Variants in ROBO2 observed in about 807,000 individuals in gnomAD.
ROBO2 encodes roundabout homolog 2.
ROBO2 carries 53 observed loss-of-function variants against 160.8 expected under a neutral mutation model. The ratio of observed to expected loss-of-function variants is 0.33; its 90% CI spans 0.26 to 0.41. The LOEUF (loss-of-function observed/expected upper bound fraction) is 0.41. Among genes scored for constraint, ROBO2 ranks in the 10% least tolerant of loss-of-function variants. ROBO2 has a pLI of 1.00. For missense variants in ROBO2, 1,577 were observed against 1,722.4 expected, an observed-to-expected ratio of 0.92 and a Z score of 1.49; for synonymous variants, 664 against 611.7, an observed-to-expected ratio of 1.09 and a Z score of -1.26.
intron 2 of ROBO2, among the ~76,000 whole-genome samples, chr3:76,496,369 G>T (rs1336663381): frequency 6.6e-6 from 1 of 152,184 alleles, no homozygotes. Flanking sequence ...CCTCTAGGGG[G>T]TACCTTCACA....
At chr3:77,340,368 A>G (rs1459380619) in intron 2 of ROBO2, among the ~76,000 whole-genome samples, 1 of 152,084 alleles carries the variant, frequency 6.6e-6, no homozygotes, top group Non-Finnish European at 1.5e-5. Context: ...GTCTCCTAAC[A>G]TGGATTTGAA....
chr3:77,201,201 T>A (rs76918659), intron 2 of ROBO2, among the ~76,000 whole-genome samples: 4,082 of 152,322 alleles, frequency 0.027, 242 homozygotes, highest in East Asian at 0.26. Flanking sequence ...GTCACACTGC[T>A]CATAAAATAG....
intron 2 of ROBO2, among the ~76,000 whole-genome samples, chr3:76,876,969 T>G (rs2072802822): frequency 6.6e-6 from 1 of 152,014 alleles, no homozygotes; most frequent in African/African-American, 2.4e-5. Flanking sequence ...CTATCATTTT[T>G]AAGACACTAA....
At chr3:76,822,132 TA>T (rs1249124577) in intron 2 of ROBO2, among the ~76,000 whole-genome samples, 2 of 152,050 alleles carry the variant, frequency 1.3e-5, no homozygotes, top group African/African-American at 4.8e-5. Context: ...ACCAATAAAT[TA>T]GAATTAAAAA....
intron 4 of ROBO2, among the ~76,000 whole-genome samples, chr3:77,482,360 C>T (rs534194720): frequency 6.6e-6 from 1 of 152,114 alleles, no homozygotes; most frequent in Non-Finnish European, 1.5e-5. Flanking sequence ...TTGGGAGACG[C>T]CATCCCAAGG....
intron 2 of ROBO2, among the ~76,000 whole-genome samples, chr3:76,305,469 A>G (rs1383520806): frequency 1.3e-5 from 2 of 150,668 alleles, no homozygotes; most frequent in Non-Finnish European, 2.9e-5. Context: ...TGATGGCTAC[A>G]AGAATCATCG....
intron 6 of ROBO2, among the ~76,000 whole-genome samples, chr3:77,544,381 G>C (rs532647500): frequency 6.6e-6 from 1 of 151,804 alleles, no homozygotes; most frequent in African/African-American, 2.4e-5. Flanking sequence ...CATAAATCTG[G>C]GTTTTCCATA....
At chr3:76,408,528 ATATACT>A (rs1394497317) in intron 2 of ROBO2, among the ~76,000 whole-genome samples, 1 of 152,136 alleles carries the variant, frequency 6.6e-6, no homozygotes, top group East Asian at 1.9e-4. Flanking sequence ...GCTTCAAAAA[ATATACT>A]TAAGCAAATC....
chr3:76,058,247 T>C lies in ROBO2; in HGVS notation c.109+120645T>C, dbSNP rs529662808. Among the ~76,000 whole-genome samples the C allele has an allele frequency of 5.5e-4, 84 of 152,210 alleles. 1 individual carries two copies. Among genetic ancestry groups the C allele is most frequent in the African/African-American group, 1.9e-3 (80 of 41,544 alleles). ...TAGGTATTGCTCCTAATACTGTCCC[T>C]CCCATAACCCCCTACCCTCCAACAG... On this transcript the variant is annotated intron_variant, in intron 2 of 26. Transcript: ENST00000487694.
At chr3:77,639,876 G>T (rs777526496) in intron 24 of ROBO2, among the ~76,000 whole-genome samples, 79 of 152,146 alleles carry the variant, frequency 5.2e-4, no homozygotes, top group Non-Finnish European at 1.0e-3. Flanking sequence ...AGGCAAGGTG[G>T]AGATTGTGGA....
intron 2 of ROBO2, among the ~76,000 whole-genome samples, chr3:76,232,041 G>A (rs1314551354): frequency 6.6e-5 from 10 of 152,076 alleles, no homozygotes. Flanking sequence ...CATCATAAAT[G>A]TTTCATCATA....
At chr3:76,244,815 TA>T (rs1440271452) in intron 2 of ROBO2, among the ~76,000 whole-genome samples, 2 of 152,128 alleles carry the variant, frequency 1.3e-5, no homozygotes, top group South Asian at 2.1e-4. Flanking sequence ...CAAAATGCTA[TA>T]AAAAATTCAA....
intron 1 of ROBO2, among the ~76,000 whole-genome samples, chr3:77,050,657 AT>A (rs59318050): frequency 0.11 from 15,280 of 140,692 alleles, 948 homozygotes; most frequent in African/African-American, 0.19. Flanking sequence ...GTCTCAAAAC[AT>A]TTTTTTTTTT....
chr3:76,649,758 G>A (rs1343192140), intron 2 of ROBO2, among the ~76,000 whole-genome samples: 2 of 152,066 alleles, frequency 1.3e-5, no homozygotes, highest in African/African-American at 4.8e-5. Flanking sequence ...TAAAAGAACA[G>A]TTGGATATGA....
At chr3:77,581,234 T>C (rs1042474697) in intron 16 of ROBO2, among the ~76,000 whole-genome samples, 2 of 152,138 alleles carry the variant, frequency 1.3e-5, no homozygotes, top group Non-Finnish European at 2.9e-5. Flanking sequence ...TTTCCATGTA[T>C]ATGTGTTACA....
intron 2 of ROBO2, among the ~76,000 whole-genome samples, chr3:76,485,062 GC>G (rs1218485500): frequency 6.6e-6 from 1 of 152,030 alleles, no homozygotes; most frequent in Non-Finnish European, 1.5e-5. Context: ...TTTAAGGAAG[GC>G]AATTTTTCCT....
At chr3:77,561,878 C>T (rs1464852756) in intron 9 of ROBO2, among the ~76,000 whole-genome samples, 6 of 151,908 alleles carry the variant, frequency 3.9e-5, no homozygotes, top group East Asian at 1.9e-4. Context: ...CTGAGGCAGG[C>T]GGGTCACCTG....
At chr3:77,110,346 A>G (rs2073408913) in intron 2 of ROBO2, among the ~76,000 whole-genome samples, 1 of 152,180 alleles carries the variant, frequency 6.6e-6, no homozygotes. Flanking sequence ...ACATATTTAT[A>G]TGCATTATTT....
intron 2 of ROBO2, among the ~76,000 whole-genome samples, chr3:76,774,453 T>A (rs1297340988): frequency 6.6e-6 from 1 of 151,018 alleles, no homozygotes; most frequent in African/African-American, 2.4e-5. Context: ...TAGCTTAGTC[T>A]AATTCATCGT....
Sources: gnomAD v4.1 joint callset for allele counts (sites outside exome capture counted in the v4.1 genomes callset) on GRCh38, gnomAD v4.1.1 for gene constraint, MANE v1.5 for transcripts, NCBI Gene and HGNC (gene_info 2026-07-23, HGNC 2026-07-21) for gene names.